LENG9: variants seen among roughly 807,000 people sequenced by gnomAD.
LENG9 encodes the protein leukocyte receptor cluster (LRC) member 9.
For missense variants in LENG9, 872 were observed against 652.7 expected (o/e 1.34, Z -3.66); for synonymous variants, 410 against 303.9 (o/e 1.35, Z -3.63).
At position 54,462,572 on chromosome 19, in the gene LENG9, C is replaced by T; in HGVS notation, c.955G>A (p.Glu319Lys). The T allele has an allele frequency of 6.2e-7, 1 of 1,613,782 alleles. No homozygotes were observed. Among genetic ancestry groups the T allele is most frequent in the East Asian group, 2.2e-5 (1 of 44,874 alleles). The change falls in exon 1 of 1, where the codon GAA becomes AAA. Residue 319 changes from glutamate to lysine, a missense_variant. By Grantham distance (56) the Glu-to-Lys change is moderately conservative. Transcript: ENST00000611161. ...GLQAEVTKAQ[E>K]YLVHVAPHCA... ...TGTGGGGCCACGTGGACCAGGTATT[C>T]CTGGGCCTTGGTCACTTCTGCTTGT...
chr19:54,462,534 G>C lies in LENG9; in HGVS notation c.993C>G (p.Phe331Leu), dbSNP rs925462240. 1.2e-6 allele frequency: 2 copies of C among 1,613,688 alleles called. No homozygotes were observed. Among genetic ancestry groups the C allele is most frequent in the Non-Finnish European group, 1.7e-6 (2 of 1,180,018 alleles). ...GGTGTAGGTTCTGAGAGGGCACTAGGAAGTTGGCGCAGTGTGGGGCCACGT... is the reference window on the plus strand; with the variant it reads ...GGTGTAGGTTCTGAGAGGGCACTAGCAAGTTGGCGCAGTGTGGGGCCACGT... Reference protein sequence around the residue: ...LVHVAPHCANFLVPSQNLHLT... With the variant: ...LVHVAPHCANLLVPSQNLHLT... Residue 331 changes from phenylalanine to leucine, a missense_variant, in exon 1 of 1, where the codon TTC (phenylalanine) becomes TTG (leucine). Physicochemically the swap from Phe to Leu is conservative, Grantham distance 22 (BLOSUM62 0). Transcript: ENST00000611161.
Position 54,463,693 on chromosome 19 carries a change from C to T in LENG9, c.-167G>A, listed in dbSNP as rs2084677536. On this transcript the variant is annotated 5_prime_UTR_variant, in exon 1 of 1. Coordinates refer to ENST00000611161, the MANE Select transcript of LENG9 (RefSeq NM_001301782.2). ...CCCTCGCGAGGACTCTGGCCCAGTC[C>T]CTCCTTGGTGGAGAGCCTGACACCG... 1.1e-6 allele frequency: 1 copy of T among 928,960 alleles called. No individual in the cohort carries two copies. The highest frequency in any genetic ancestry group is 1.4e-6 in the Non-Finnish European group (1 of 705,688). The allele number at this position is 928,960 out of a possible 1,614,324, so 57.5% of individuals were successfully genotyped here.
rs1841603629 is a variant in LENG9, at chr19:54,462,042, CTG to C, written c.*46_*47del. ...CGTGCACGCTCCTGCTTTGTCTTTC[CTG>C]TGTGGGCTGTTTGCATCCATTGTCT... On this transcript the variant is annotated 3_prime_UTR_variant, in exon 1 of 1. Coordinates refer to ENST00000611161, the MANE Select transcript of LENG9 (RefSeq NM_001301782.2). 6.5e-7 allele frequency: 1 copy of C among 1,529,556 alleles called. No individual in the cohort carries two copies. The highest frequency in any genetic ancestry group is 1.4e-5 in the African/African-American group (1 of 72,076). 94.7% of individuals were successfully genotyped at this position (1,529,556 alleles called of 1,614,324 possible).
chr19:54,462,261 G>C lies in LENG9; in HGVS notation c.1266C>G (p.His422Gln), dbSNP rs780706695. 9 of 1,610,354 alleles carry C rather than the reference G, an allele frequency of 5.6e-6. No individual in the cohort carries two copies. Among genetic ancestry groups the C allele is most frequent in the Non-Finnish European group, 7.6e-6 (9 of 1,177,908 alleles). The change falls in exon 1 of 1, where the codon CAC (histidine) becomes CAG (glutamine). Residue 422 changes from histidine to glutamine, a missense_variant. Physicochemically the swap from His to Gln is conservative, Grantham distance 24. Coordinates refer to ENST00000611161, the MANE Select transcript of LENG9 (RefSeq NM_001301782.2). The part of the protein sequence containing the change: ...LSTLQSPGQL[H>Q]PHLTVAKVPH... ...GCACCTTGGCCACGGTGAGGTGGGG[G>C]TGCAGCTGCCCTGGAGACTGTAGTG...
rs75242867 is a variant in LENG9, at chr19:54,463,571, C to A, written c.-45G>T. 7.3e-7 allele frequency: 1 copy of A among 1,366,824 alleles called. No individual in the cohort carries two copies. The highest frequency in any genetic ancestry group is 1.6e-5 in the South Asian group (1 of 61,102). The allele number at this position is 1,366,824 out of a possible 1,614,324, so 84.7% of individuals were successfully genotyped here. A position where few individuals can be genotyped will look rare whatever the true frequency, so the allele number is the denominator to read the frequency against. On this transcript the variant is annotated 5_prime_UTR_variant, in exon 1 of 1. Coordinates refer to ENST00000611161, the MANE Select transcript of LENG9 (RefSeq NM_001301782.2). ...GCCCGCCGCGCAGACGAGGTCGCCC[C>A]GCACGGAGGGCGGCTCCCCTTGGAT...
chr19:54,462,137 TC>T lies in LENG9; in HGVS notation c.1389del (p.Arg464GlyfsTer?). On this transcript the variant is annotated frameshift_variant, in exon 1 of 1. Transcript: ENST00000611161. LOFTEE classifies it low-confidence loss of function (END_TRUNC). ...AGGGGCTGGAAAGGCCCCCCTGTCCTCCCTATACGGCACAGCCAGAGTGTCT... is the reference window on the plus strand; with the variant it reads ...AGGGGCTGGAAAGGCCCCCCTGTCCTCCTATACGGCACAGCCAGAGTGTCT... ...PLQTLWLCRI[G>X]RTGGPFQPLA... 6.3e-7 allele frequency: 1 copy of T among 1,595,438 alleles called. No homozygotes were observed. Among genetic ancestry groups the T allele is most frequent in the East Asian group, 2.2e-5 (1 of 44,708 alleles).
Position 54,463,392 on chromosome 19 carries a change from C to G in LENG9, c.135G>C (p.Ala45=), listed in dbSNP as rs2084664809. 7.7e-7 allele frequency: 1 copy of G among 1,290,960 alleles called. No individual in the cohort carries two copies. Among genetic ancestry groups the G allele is most frequent in the Non-Finnish European group, 9.8e-7 (1 of 1,022,924 alleles). 80.0% of individuals were successfully genotyped at this position (1,290,960 alleles called of 1,614,324 possible). Residue 45 remains alanine, a synonymous_variant, in exon 1 of 1, where the codon GCG becomes GCC. Coordinates refer to ENST00000611161, the MANE Select transcript of LENG9 (RefSeq NM_001301782.2). The part of the protein sequence containing the change: ...GARCRQPHPG[A]PAPPGREAQP... Reference sequence around the variant, plus strand: ...GCGCCTCGCGGCCAGGCGGCGCCGGCGCCCCAGGGTGGGGCTGGCGGCAGC... The same window carrying G: ...GCGCCTCGCGGCCAGGCGGCGCCGGGGCCCCAGGGTGGGGCTGGCGGCAGC...
Position 54,462,021 on chromosome 19 carries a change from C to G in LENG9, c.*69G>C. 1 of 1,488,592 alleles carries G rather than the reference C, an allele frequency of 6.7e-7. No individual in the cohort carries two copies. Among genetic ancestry groups the G allele is most frequent in the African/African-American group, 1.4e-5 (1 of 71,432 alleles). 92.2% of individuals were successfully genotyped at this position (1,488,592 alleles called of 1,614,324 possible). A position where few individuals can be genotyped will look rare whatever the true frequency, so the allele number is the denominator to read the frequency against. The stretch of plus-strand genomic sequence containing the variant: ...ATTAAAGAGAGAAAGAGAGAGCGTG[C>G]ACGCTCCTGCTTTGTCTTTCCTGTG... On this transcript the variant is annotated 3_prime_UTR_variant, in exon 1 of 1. Coordinates refer to ENST00000611161, the MANE Select transcript of LENG9 (RefSeq NM_001301782.2).
At position 54,461,896 on chromosome 19, in the gene LENG9, C is replaced by T; in HGVS notation, c.*194G>A. On this transcript the variant is annotated 3_prime_UTR_variant, in exon 1 of 1. Coordinates refer to ENST00000611161, the MANE Select transcript of LENG9 (RefSeq NM_001301782.2). ...TCAGGCTGCTTTTTTTCCAGATGTTCCTCCTCTGCCTCCCCTTCCCCTCCT... is the reference window on the plus strand; with the variant it reads ...TCAGGCTGCTTTTTTTCCAGATGTTTCTCCTCTGCCTCCCCTTCCCCTCCT... 2.8e-6 allele frequency: 2 copies of T among 704,274 alleles called. No homozygotes were observed. The highest frequency in any genetic ancestry group is 2.8e-5 in the South Asian group (2 of 70,932). 43.6% of individuals were successfully genotyped at this position (704,274 alleles called of 1,614,324 possible).
chr19:54,462,049 G>C lies in LENG9; in HGVS notation c.*41C>G. On this transcript the variant is annotated 3_prime_UTR_variant, in exon 1 of 1. Transcript: ENST00000611161. ...GCTCCTGCTTTGTCTTTCCTGTGTG[G>C]GCTGTTTGCATCCATTGTCTCCTCC... 1 of 1,534,294 alleles carries C rather than the reference G, an allele frequency of 6.5e-7. No individual in the cohort carries two copies. Among genetic ancestry groups the C allele is most frequent in the Non-Finnish European group, 8.8e-7 (1 of 1,141,528 alleles).
rs1233863656 is a variant in LENG9 at position 54,461,976 on chromosome 19, G to C, written c.*114C>G. ...TCCTTGGAGCACTGAGCACCATTTG[G>C]AAGCTTGAGAGAAACCAAAATTAAA... On this transcript the variant is annotated 3_prime_UTR_variant, in exon 1 of 1. Coordinates refer to ENST00000611161, the MANE Select transcript of LENG9 (RefSeq NM_001301782.2). 14 of 1,207,058 alleles carry C rather than the reference G, an allele frequency of 1.2e-5. No individual in the cohort carries two copies. Among genetic ancestry groups the C allele is most frequent in the Non-Finnish European group, 1.2e-5 (10 of 831,412 alleles). The allele number at this position is 1,207,058 out of a possible 1,614,324, so 74.8% of individuals were successfully genotyped here. A position where few individuals can be genotyped will look rare whatever the true frequency, so the allele number is the denominator to read the frequency against.
At position 54,463,482 on chromosome 19, in the gene LENG9, G is replaced by C; in HGVS notation, c.45C>G (p.Ala15=). ...AGGCCGGCGGGGGCGCGGGTTCCGTGGCGGGGGCTTCCTGCGGCAACTCCG... is the reference window on the plus strand; with the variant it reads ...AGGCCGGCGGGGGCGCGGGTTCCGTCGCGGGGGCTTCCTGCGGCAACTCCG... The part of the protein sequence containing the change: ...REPELPQEAP[A]TEPAPPPACR... The change falls in exon 1 of 1, where the codon GCC becomes GCG. Residue 15 remains alanine, a synonymous_variant. Coordinates refer to ENST00000611161, the MANE Select transcript of LENG9 (RefSeq NM_001301782.2). 1.5e-6 allele frequency: 2 copies of C among 1,304,774 alleles called. No individual in the cohort carries two copies. Among genetic ancestry groups the C allele is most frequent in the Non-Finnish European group, 1.9e-6 (2 of 1,025,688 alleles). 80.8% of individuals were successfully genotyped at this position (1,304,774 alleles called of 1,614,324 possible). A position where few individuals can be genotyped will look rare whatever the true frequency, so the allele number is the denominator to read the frequency against.
rs2084677001 is a variant in LENG9, at chr19:54,463,670, C to T, written c.-144G>A. On this transcript the variant is annotated 5_prime_UTR_variant, in exon 1 of 1. Coordinates refer to ENST00000611161, the MANE Select transcript of LENG9 (RefSeq NM_001301782.2). ...AGCTCTGGGGACCACGCCGCGTGCC[C>T]TCGCGAGGACTCTGGCCCAGTCCCT... is the stretch of plus-strand genomic sequence containing the variant. 2.7e-6 allele frequency: 3 copies of T among 1,113,332 alleles called. No homozygotes were observed. Among genetic ancestry groups the T allele is most frequent in the South Asian group, 3.4e-5 (1 of 29,554 alleles). 69.0% of individuals were successfully genotyped at this position (1,113,332 alleles called of 1,614,324 possible). A position where few individuals can be genotyped will look rare whatever the true frequency, so the allele number is the denominator to read the frequency against.
chr19:54,462,292 A>G lies in LENG9; in HGVS notation c.1235T>C (p.Leu412Pro). The G allele has an allele frequency of 6.2e-7, 1 of 1,602,990 alleles. No homozygotes were observed. The highest frequency in any genetic ancestry group is 1.7e-4 in the Middle Eastern group (1 of 6,004). The change falls in exon 1 of 1, where the codon CTG becomes CCG. Residue 412 changes from leucine to proline, a missense_variant. By Grantham distance (98) the Leu-to-Pro change is moderately conservative. Coordinates refer to ENST00000611161, the MANE Select transcript of LENG9 (RefSeq NM_001301782.2). The part of the protein sequence containing the change: ...VLSQRLEAEG[L>P]STLQSPGQLH... ...CTGCCCTGGAGACTGTAGTGTACTC[A>G]GCCCCTCGGCTTCCAGCCTCTGGCT...
rs2084619751 is a variant in LENG9, at chr19:54,462,494, G to A, written c.1033C>T (p.Leu345=). The change falls in exon 1 of 1, where the codon CTG becomes TTG. Residue 345 remains leucine (L), a synonymous_variant. Transcript: ENST00000611161. ...TCCTCCCCAGCGCCTGCCAGTCGCA[G>A]CAGGGCCAGGGTCAGGTGTAGGTTC... is the stretch of plus-strand genomic sequence containing the variant. ...SQNLHLTLAL[L]RLAGAGEEAA... The A allele has an allele frequency of 1.9e-6, 3 of 1,613,510 alleles. No homozygotes were observed. Among genetic ancestry groups the A allele is most frequent in the South Asian group, 1.1e-5 (1 of 91,080 alleles).
At position 54,463,498 on chromosome 19, in the gene LENG9, G is replaced by C; in HGVS notation, c.29C>G (p.Pro10Arg). 1 of 1,318,716 alleles carries C rather than the reference G, an allele frequency of 7.6e-7. No homozygotes were observed. The highest frequency in any genetic ancestry group is 9.7e-7 in the Non-Finnish European group (1 of 1,031,802). 81.7% of individuals were successfully genotyped at this position (1,318,716 alleles called of 1,614,324 possible). The change falls in exon 1 of 1, where the codon CCG becomes CGG. Residue 10 changes from proline to arginine, a missense_variant. Coordinates refer to ENST00000611161, the MANE Select transcript of LENG9 (RefSeq NM_001301782.2). ...GGGTTCCGTGGCGGGGGCTTCCTGC[G>C]GCAACTCCGGCTCTCTGGCCGCTGC... The part of the protein sequence containing the change: MAAAREPEL[P>R]QEAPATEPAP...
In LENG9 at chr19:54,462,244, G is replaced by C; in HGVS notation, c.1283C>G (p.Ala428Gly). 1 of 1,612,820 alleles carries C rather than the reference G, an allele frequency of 6.2e-7. No homozygotes were observed. Among genetic ancestry groups the C allele is most frequent in the Non-Finnish European group, 8.5e-7 (1 of 1,179,244 alleles). Residue 428 changes from alanine (A) to glycine (G), a missense_variant, in exon 1 of 1, where the codon GCC becomes GGC. Coordinates refer to ENST00000611161, the MANE Select transcript of LENG9 (RefSeq NM_001301782.2). ...PGQLHPHLTV[A>G]KVPHGSQVHL... is the part of the protein sequence containing the mutation. ...GACCTGGGAACCATGGGGCACCTTGGCCACGGTGAGGTGGGGGTGCAGCTG... is the reference window on the plus strand; with the variant it reads ...GACCTGGGAACCATGGGGCACCTTGCCCACGGTGAGGTGGGGGTGCAGCTG...
Position 54,462,733 on chromosome 19 carries a change from C to A in LENG9, c.794G>T (p.Gly265Val), listed in dbSNP as rs750920151. 1.9e-6 allele frequency: 3 copies of A among 1,610,412 alleles called. No individual in the cohort carries two copies. Among genetic ancestry groups the A allele is most frequent in the African/African-American group, 1.3e-5 (1 of 74,924 alleles). The change falls in exon 1 of 1, where the codon GGC (glycine) becomes GTC (valine). Residue 265 changes from glycine (G) to valine (V), a missense_variant. Physicochemically the swap from Gly to Val is moderately radical, Grantham distance 109. Transcript: ENST00000611161. ...KEAQALGVPGGSAETTEAEWG... is the reference protein window; with the variant it reads ...KEAQALGVPGVSAETTEAEWG... ...CTCGGCTTCTGTCGTCTCAGCGGAG[C>A]CCCCCGGGACTCCCAGGGCCTGTGC...
chr19:54,462,749 G>A lies in LENG9; in HGVS notation c.778C>T (p.Leu260=), dbSNP rs575676411. The change falls in exon 1 of 1, where the codon CTG becomes TTG. Residue 260 remains leucine (L), a synonymous_variant. Transcript: ENST00000611161. ...TCAGCGGAGCCCCCCGGGACTCCCA[G>A]GGCCTGTGCTTCCTTGCCCCCCAGC... ...TLLGGKEAQA[L]GVPGGSAETT... The A allele has an allele frequency of 6.8e-6, 11 of 1,611,286 alleles. No homozygotes were observed. Among genetic ancestry groups the A allele is most frequent in the Middle Eastern group, 1.7e-4 (1 of 6,060 alleles).
Sources: allele counts gnomAD v4.1 joint callset, GRCh38; gene constraint gnomAD v4.1.1; transcripts MANE v1.5; gene names NCBI Gene and HGNC (gene_info 2026-07-23, HGNC 2026-07-21).